The following HIBADH variants were observed in gnomAD, a reference collection of about 807,000 sequenced individuals.
The protein encoded by HIBADH is 3-hydroxyisobutyrate dehydrogenase, mitochondrial.
HIBADH carries 25 observed loss-of-function variants against 36.1 expected under a neutral mutation model. The observed-to-expected ratio is 0.69, with a 90% CI of 0.50 to 0.97. The LOEUF is 0.97. Among genes scored for constraint, HIBADH ranks in the 50% least tolerant of loss-of-function variants. The pLI, the probability that HIBADH is intolerant of heterozygous loss-of-function variation, is 0.00. For missense variants in HIBADH, 421 were observed against 418.0 expected, an observed-to-expected ratio of 1.01 and a Z score of -0.06; for synonymous variants, 160 against 149.5, an observed-to-expected ratio of 1.07 and a Z score of -0.51.
chr7:27,593,618 A>T (rs1328558363), intron 4 of HIBADH, among the ~76,000 whole-genome samples: 1 of 152,232 alleles, frequency 6.6e-6, no homozygotes, highest in Non-Finnish European at 1.5e-5. Context: ...TGACAAGGAC[A>T]CTTGTTATCA....
At chr7:27,576,690 T>C (rs1784715555) in intron 4 of HIBADH, among the ~76,000 whole-genome samples, 1 of 152,212 alleles carries the variant, frequency 6.6e-6, no homozygotes, top group Admixed American at 6.5e-5. Flanking sequence ...TTTCCTATAC[T>C]TAGCTCCTTA....
intron 4 of HIBADH, among the ~76,000 whole-genome samples, chr7:27,617,173 T>C (rs1377910895): frequency 6.6e-6 from 1 of 152,228 alleles, no homozygotes; most frequent in Non-Finnish European, 1.5e-5. Flanking sequence ...TCTTTTATAT[T>C]GTATTTAATA....
chr7:27,618,928 G>C (rs1263724881), intron 4 of HIBADH, among the ~76,000 whole-genome samples: 1 of 152,080 alleles, frequency 6.6e-6, no homozygotes. Context: ...CCAAGGGGAT[G>C]GTGTTAAACT....
chr7:27,611,576 A>G (rs1041621766), intron 4 of HIBADH, among the ~76,000 whole-genome samples: 1 of 152,178 alleles, frequency 6.6e-6, no homozygotes, highest in African/African-American at 2.4e-5. Flanking sequence ...ACATTAAATA[A>G]GGATTACAAC....
In HIBADH at chr7:27,543,001, T is replaced by A. The variant is rs200680648; in HGVS notation, c.584A>T (p.Asn195Ile). The A allele has an allele frequency of 3.7e-6, 6 of 1,613,756 alleles. No homozygotes were observed. The African/African-American group carries it at 4.0e-5, about 11-fold the overall frequency. Residue 195 changes from asparagine to isoleucine, a missense_variant, in exon 5 of 8, where the codon AAC becomes ATC. Transcript: ENST00000265395. ...AQELLGCMGS[N>I]VVYCGAVGTG... is the part of the protein sequence containing the mutation. ...CCCAACAGCTCCACAGTACACCACG[T>A]TGGAGCCCATGCACCCCAGCAACTC...
chr7:27,652,708 G>C (rs1380540930), intron 1 of HIBADH, among the ~76,000 whole-genome samples: 5 of 152,214 alleles, frequency 3.3e-5, no homozygotes, highest in Non-Finnish European at 5.9e-5. Context: ...TCACATGGTA[G>C]AGAGCAGAAA....
chr7:27,650,797 C>T (rs996410478), intron 1 of HIBADH, among the ~76,000 whole-genome samples: 2 of 150,954 alleles, frequency 1.3e-5, no homozygotes, highest in Non-Finnish European at 2.9e-5. Context: ...GAAATTACTC[C>T]GTGGGCATAT....
At chr7:27,623,935 C>T (rs1583604387) in intron 4 of HIBADH, among the ~76,000 whole-genome samples, 1 of 152,168 alleles carries the variant, frequency 6.6e-6, no homozygotes, top group Non-Finnish European at 1.5e-5. Context: ...GTAGCTGGGA[C>T]AACAGGCGCA....
chr7:27,655,756 A>C (rs970506809), intron 1 of HIBADH, among the ~76,000 whole-genome samples: 3 of 143,620 alleles, frequency 2.1e-5, no homozygotes, highest in Non-Finnish European at 3.1e-5. Flanking sequence ...ATTACCCCCC[A>C]GAAAACCTCT....
In HIBADH at chr7:27,531,341, G is replaced by A; in HGVS notation, c.703C>T (p.Leu235Phe). ...EAMNLGIRLGLDPKLLAKILN... is the reference protein window; with the variant it reads ...EAMNLGIRLGFDPKLLAKILN... ...ATTTTAGCCAGTAGTTTTGGGTCAA[G>A]CCCTAACCTGTCAAAGGTCAAAGAA... The change falls in exon 7 of 8, where the codon CTT (leucine) becomes TTT (phenylalanine). Residue 235 changes from leucine (L) to phenylalanine (F), a missense_variant. Coordinates refer to ENST00000265395, the MANE Select transcript of HIBADH (RefSeq NM_152740.4). 1 of 1,608,280 alleles carries A rather than the reference G, an allele frequency of 6.2e-7. No homozygotes were observed. Among genetic ancestry groups the A allele is most frequent in the South Asian group, 1.1e-5 (1 of 90,166 alleles).
At chr7:27,589,125 T>C (rs914608528) in intron 4 of HIBADH, among the ~76,000 whole-genome samples, 1 of 152,228 alleles carries the variant, frequency 6.6e-6, no homozygotes, top group Non-Finnish European at 1.5e-5. Context: ...TATAGGTATA[T>C]TGAAAATGTG....
intron 4 of HIBADH, among the ~76,000 whole-genome samples, chr7:27,626,843 T>C (rs539538883): frequency 4.9e-4 from 74 of 152,348 alleles, no homozygotes; most frequent in African/African-American, 1.7e-3. Context: ...AGGAAATAGA[T>C]GAAGACTTGG....
chr7:27,631,914 T>C (rs768444219), intron 3 of HIBADH, among the ~76,000 whole-genome samples: 41 of 152,216 alleles, frequency 2.7e-4, no homozygotes, highest in Non-Finnish European at 5.7e-4. Flanking sequence ...CCACAGGACA[T>C]AACTTTTTTT....
intron 4 of HIBADH, among the ~76,000 whole-genome samples, chr7:27,566,248 G>C (rs1328901510): frequency 1.3e-5 from 2 of 151,750 alleles, no homozygotes; most frequent in Admixed American, 6.6e-5. Context: ...CTTTAAATAA[G>C]AAGAAATGTG....
Position 27,541,718 on chromosome 7 carries a change from TG to T in HIBADH, c.618+1248del, listed in dbSNP as rs1374807165. 2.6e-5 allele frequency: 11 copies of T among 427,628 alleles called. No homozygotes were observed. The Admixed American group carries it at 2.7e-4, about 10-fold the overall frequency. 26.5% of individuals were successfully genotyped at this position (427,628 alleles called of 1,614,324 possible). A position where few individuals can be genotyped will look rare whatever the true frequency, so the allele number is the denominator to read the frequency against. On this transcript the variant is annotated intron_variant, in intron 5 of 7. Transcript: ENST00000265395. ...CCAGCATCACTAGTGGCACTTTGTATGGGTCCCATGGTGTCATTCAAGGTTT... is the reference window on the plus strand; with the variant it reads ...CCAGCATCACTAGTGGCACTTTGTATGGTCCCATGGTGTCATTCAAGGTTT...
chr7:27,660,385 C>T (rs1034454627), intron 1 of HIBADH, among the ~76,000 whole-genome samples: 13 of 152,060 alleles, frequency 8.5e-5, no homozygotes, highest in Non-Finnish European at 1.6e-4. Context: ...AAAGAAAGGC[C>T]GGGCACAGTG....
intron 4 of HIBADH, among the ~76,000 whole-genome samples, chr7:27,619,293 A>G (rs890482967): frequency 1.1e-4 from 17 of 152,182 alleles, no homozygotes; most frequent in African/African-American, 3.9e-4. Context: ...GAAACCACAG[A>G]TACACCTTTA....
intron 4 of HIBADH, among the ~76,000 whole-genome samples, chr7:27,614,451 G>A (rs1479193238): frequency 6.6e-6 from 1 of 152,148 alleles, no homozygotes; most frequent in African/African-American, 2.4e-5. Flanking sequence ...CATCAGTCTT[G>A]AATTTTAAAG....
chr7:27,643,752 C>G (rs2128296155), intron 2 of HIBADH, among the ~76,000 whole-genome samples: 1 of 152,334 alleles, frequency 6.6e-6, no homozygotes, highest in South Asian at 2.1e-4. Flanking sequence ...TCAAGAGAGA[C>G]ACACTCCCCA....
Sources: allele counts gnomAD v4.1 joint callset (sites outside exome capture counted in the v4.1 genomes callset), GRCh38; gene constraint gnomAD v4.1.1; transcripts MANE v1.5; gene names NCBI Gene and HGNC (gene_info 2026-07-23, HGNC 2026-07-21).